The following ACTR3C variants were observed in gnomAD, a reference collection of about 807,000 sequenced individuals.
The protein encoded by ACTR3C is actin related protein 3C, also known as actin-related protein 3C.
Under a neutral mutation model 26.3 loss-of-function variants are expected in ACTR3C, and 18 were observed. That is an observed-to-expected ratio of 0.68 (90% CI 0.47 to 1.01). The LOEUF (loss-of-function observed/expected upper bound fraction) is 1.01. Among genes scored for constraint, ACTR3C ranks in the 50% least tolerant of loss-of-function variants. ACTR3C has a pLI of 0.00. For synonymous variants in ACTR3C, 55 were observed against 94.5 expected (o/e 0.58, Z 2.42); for missense variants, 184 against 250.7 (o/e 0.73, Z 1.80).
chr7:150,134,311 C>A, the ACTR3C span, among the ~76,000 whole-genome samples: 5 of 150,412 alleles, frequency 3.3e-5, no homozygotes, highest in East Asian at 7.8e-4. Flanking sequence ...GGAAGATGAA[C>A]GGGAGAAGGG....
intron 6 of ACTR3C, among the ~76,000 whole-genome samples, chr7:150,280,325 C>T (rs2530925): frequency 6.6e-6 from 1 of 152,166 alleles, no homozygotes; most frequent in Admixed American, 6.5e-5. Context: ...CCCTGTCATT[C>T]CTGGAGGCGG....
the ACTR3C span, among the ~76,000 whole-genome samples, chr7:150,209,266 C>CAGAGAGAGAGAGAGACAGAAACAG: frequency 2.2e-5 from 3 of 134,422 alleles, no homozygotes; most frequent in South Asian, 7.0e-4. Flanking sequence ...GAGACAGAAA[C>CAGAGAGAGAGAGAGACAGAAACAG]AGAGAGAGAG....
chr7:150,041,654 A>C, the ACTR3C span, among the ~76,000 whole-genome samples: 1 of 62,456 alleles, frequency 1.6e-5, no homozygotes, highest in South Asian at 5.6e-4. Flanking sequence ...CCCTGCGATG[A>C]GGGTAGCAAC....
At chr7:149,908,141 T>A in the ACTR3C span, among the ~76,000 whole-genome samples, 96 of 151,966 alleles carry the variant, frequency 6.3e-4, no homozygotes, top group South Asian at 0.02. Flanking sequence ...GATGAGACCA[T>A]GGGAGGACAC....
At chr7:150,014,438 A>C in the ACTR3C span, among the ~76,000 whole-genome samples, 3 of 143,384 alleles carry the variant, frequency 2.1e-5, no homozygotes, top group African/African-American at 7.9e-5. Context: ...CCTGGGTGAC[A>C]GAGTGAGACT....
chr7:149,940,604 T>C, the ACTR3C span, among the ~76,000 whole-genome samples: 1 of 152,068 alleles, frequency 6.6e-6, no homozygotes, highest in East Asian at 1.9e-4. Flanking sequence ...TAAAAAGCAA[T>C]TTGAGTCATC....
At chr7:150,006,298 A>T in the ACTR3C span, among the ~76,000 whole-genome samples, 2 of 151,734 alleles carry the variant, frequency 1.3e-5, no homozygotes, top group Non-Finnish European at 2.9e-5. Flanking sequence ...CTGGGTTCAC[A>T]GCATTCTCCT....
At chr7:150,181,592 C>T in the ACTR3C span, among the ~76,000 whole-genome samples, 2 of 146,948 alleles carry the variant, frequency 1.4e-5, no homozygotes, top group African/African-American at 5.4e-5. Context: ...GAGCAAGACA[C>T]TGTCTCAGAA....
At chr7:150,123,582 AACACACACAC>A in the ACTR3C span, among the ~76,000 whole-genome samples, 112 of 119,202 alleles carry the variant, frequency 9.4e-4, 3 homozygotes, top group South Asian at 0.026. Flanking sequence ...AGCAAAGGTC[AACACACACAC>A]ACACACACAC....
chr7:149,951,486 T>G, the ACTR3C span, among the ~76,000 whole-genome samples: 1 of 148,870 alleles, frequency 6.7e-6, no homozygotes, highest in East Asian at 1.9e-4. Flanking sequence ...CAGTGGCTGT[T>G]AGAACTCAGG....
the ACTR3C span, among the ~76,000 whole-genome samples, chr7:150,087,293 T>G: frequency 6.6e-6 from 1 of 152,066 alleles, no homozygotes; most frequent in Non-Finnish European, 1.5e-5. Flanking sequence ...CATAAAAATT[T>G]AAACATGGCA....
chr7:150,070,946 C>T, the ACTR3C span, among the ~76,000 whole-genome samples: 1 of 148,902 alleles, frequency 6.7e-6, no homozygotes, highest in Non-Finnish European at 1.5e-5. Flanking sequence ...AGGCGCCCGC[C>T]ACCATGCCCA....
chr7:149,906,301 C>T, the ACTR3C span, among the ~76,000 whole-genome samples: 4 of 150,252 alleles, frequency 2.7e-5, no homozygotes, highest in African/African-American at 4.9e-5. Context: ...TGATACTCAA[C>T]CTATAATGTG....
chr7:149,969,211 C>T, the ACTR3C span, among the ~76,000 whole-genome samples: 2 of 151,506 alleles, frequency 1.3e-5, no homozygotes, highest in African/African-American at 4.9e-5. Context: ...CACAGTCTGG[C>T]CAACATTGGG....
the ACTR3C span, among the ~76,000 whole-genome samples, chr7:150,164,925 A>G: frequency 2.6e-5 from 4 of 152,124 alleles, no homozygotes; most frequent in Admixed American, 6.5e-5. Context: ...CTGGTTTTGG[A>G]ATTGAGCTAT....
the ACTR3C span, chr7:150,047,535 C>T: frequency 1.9e-5 from 18 of 947,008 alleles, no homozygotes; most frequent in Non-Finnish European, 2.1e-5. Flanking sequence ...CACAGATGCC[C>T]CCGGCCGACG....
chr7:150,265,044 A>G (rs1225617534), intron 6 of ACTR3C, among the ~76,000 whole-genome samples: 1 of 152,086 alleles, frequency 6.6e-6, no homozygotes, highest in Non-Finnish European at 1.5e-5. Context: ...TAATCAAACT[A>G]GGTCACCAAA....
chr7:150,124,464 C>T, the ACTR3C span, among the ~76,000 whole-genome samples: 2,790 of 152,224 alleles, frequency 0.018, 33 homozygotes, highest in Middle Eastern at 0.048. Flanking sequence ...TTAGCTGGAT[C>T]GCATTTCCAC....
chr7:150,270,510 C>T (rs1484410378), intron 6 of ACTR3C, among the ~76,000 whole-genome samples: 1 of 148,660 alleles, frequency 6.7e-6, no homozygotes, highest in African/African-American at 2.5e-5. Context: ...GGGCAGAACA[C>T]ACACCTGGCA....
Sources: gnomAD v4.1 joint callset for allele counts (sites outside exome capture counted in the v4.1 genomes callset) on GRCh38, gnomAD v4.1.1 for gene constraint, MANE v1.5 for transcripts, NCBI Gene and HGNC (gene_info 2026-07-23, HGNC 2026-07-21) for gene names.